Variants in CACTIN observed in about 807,000 individuals in gnomAD.
CACTIN encodes splicing factor Cactin.
CACTIN carries 20 observed loss-of-function variants against 84.9 expected under a neutral mutation model. The ratio of observed to expected loss-of-function variants is 0.24; its 90% CI spans 0.17 to 0.34. The LOEUF is 0.34. CACTIN is among the 10% of genes least tolerant of loss of function. CACTIN has a pLI of 1.00. For synonymous variants in CACTIN, 549 were observed against 467.9 expected (o/e 1.17, Z -2.24); for missense variants, 897 against 1,117.2 (o/e 0.80, Z 2.81).
At chr19:3,618,190 G>C (rs1214726156) in intron 6 of CACTIN, among the ~76,000 whole-genome samples, 1 of 133,164 alleles carries the variant, frequency 7.5e-6, no homozygotes, top group African/African-American at 2.8e-5. Context: ...GGGGGGGGGG[G>C]GTCTCATCTA....
At chr19:3,621,592 GACC>G (rs972092936) in intron 2 of CACTIN, among the ~76,000 whole-genome samples, 1 of 152,186 alleles carries the variant, frequency 6.6e-6, no homozygotes. Context: ...CGTCAACGAT[GACC>G]ACATCTTCCT....
At chr19:3,625,295 T>C (rs1568297702) in intron 1 of CACTIN, among the ~76,000 whole-genome samples, 1 of 152,234 alleles carries the variant, frequency 6.6e-6, no homozygotes, top group East Asian at 1.9e-4. Flanking sequence ...AAACCAATCA[T>C]TGCAGAGCCC....
At position 3,620,291 on chromosome 19, in the gene CACTIN, GAGGGCAGCGGGGACCGTGCGGTCTGC is replaced by G; in HGVS notation, c.739-45_739-20del. 1 of 1,550,358 alleles carries G rather than the reference GAGGGCAGCGGGGACCGTGCGGTCTGC, an allele frequency of 6.5e-7. No individual in the cohort carries two copies. The highest frequency in any genetic ancestry group is 8.7e-7 in the Non-Finnish European group (1 of 1,153,814). ...GCTTCACCTGCAGGCACAGGAGGCT[GAGGGCAGCGGGGACCGTGCGGTCTGC>G]AGGGCTGCGGGGGGAGGGGCTGTGA... On this transcript the variant is annotated intron_variant, in intron 3 of 9. Transcript: ENST00000429344.
intron 7 of CACTIN, 75 bp from the exon 8 acceptor site, chr19:3,613,661 C>T (rs1260245463): frequency 2.0e-5 from 30 of 1,524,368 alleles, no homozygotes; most frequent in Non-Finnish European, 2.5e-5. Flanking sequence ...GATTCTCACG[C>T]CCCTTATTGC....
intron 6 of CACTIN, 116 bp downstream of exon 6, chr19:3,618,759 G>A: frequency 1.2e-6 from 1 of 836,502 alleles, no homozygotes; most frequent in Non-Finnish European, 1.8e-6. Flanking sequence ...GGAGGCCCCA[G>A]TTGGGGAAAC....
chr19:3,612,633 T>G (rs1300763507), intron 9 of CACTIN, among the ~76,000 whole-genome samples: 2 of 152,196 alleles, frequency 1.3e-5, no homozygotes, highest in African/African-American at 2.4e-5. Flanking sequence ...ATCGTCCTCC[T>G]GGGTGGGGAC....
chr19:3,623,366 A>G (rs964904109), intron 2 of CACTIN, among the ~76,000 whole-genome samples: 1 of 151,966 alleles, frequency 6.6e-6, no homozygotes, highest in Non-Finnish European at 1.5e-5. Flanking sequence ...TGTCTCTACT[A>G]AAAATACAAA....
rs34337349 is a variant in CACTIN, at chr19:3,618,177, CGGG to C, written c.1162+695_1162+697del. Among the ~76,000 whole-genome samples the C allele has an allele frequency of 2.5e-4, 27 of 108,054 alleles. 1 individual carries two copies. The highest frequency in any genetic ancestry group is 3.0e-4 in the African/African-American group (7 of 23,514). 70.9% of individuals were successfully genotyped at this position (108,054 alleles called of 152,430 possible). A position where few individuals can be genotyped will look rare whatever the true frequency, so the allele number is the denominator to read the frequency against. On this transcript the variant is annotated intron_variant, in intron 6 of 9. Transcript: ENST00000429344. The stretch of plus-strand genomic sequence containing the variant: ...GGGCTGCTGTGGTTGGCTTTTAGAC[CGGG>C]GGGGGGGGGGGTCTCATCTAGGGCA...
At chr19:3,624,530 C>T (rs905481894) in intron 1 of CACTIN, among the ~76,000 whole-genome samples, 2 of 151,936 alleles carry the variant, frequency 1.3e-5, no homozygotes, top group South Asian at 2.1e-4. Flanking sequence ...GGAGAGTGCT[C>T]GAGGCAGAGC....
At chr19:3,620,633 G>C in intron 3 of CACTIN, 74 bp downstream of exon 3, 3 of 1,247,612 alleles carry the variant, frequency 2.4e-6, no homozygotes, top group Non-Finnish European at 3.3e-6. Flanking sequence ...AGCCCCTCAA[G>C]TCCTGCCAAA....
Position 3,613,372 on chromosome 19 carries a change from GGA to G in CACTIN, c.1479-9_1479-8del, listed in dbSNP as rs1021204475. Reference sequence around the variant, plus strand: ...CGCGTCCTCAGGCTCCAGGCTGGGAGGAGAGAGCGTTGGAGGCGCGGAGGCTG... The same window carrying G: ...CGCGTCCTCAGGCTCCAGGCTGGGAGGAGAGCGTTGGAGGCGCGGAGGCTG... On this transcript the variant is annotated splice_polypyrimidine_tract_variant and splice_region_variant and intron_variant, in intron 8 of 9. Transcript: ENST00000429344. The G allele has an allele frequency of 1.3e-6, 2 of 1,524,530 alleles. No homozygotes were observed. Among genetic ancestry groups the G allele is most frequent in the African/African-American group, 1.4e-5 (1 of 72,396 alleles). The allele number at this position is 1,524,530 out of a possible 1,614,324, so 94.4% of individuals were successfully genotyped here.
chr19:3,619,285 C>T (rs751789445), intron 4 of CACTIN, 43 bp from the exon 5 acceptor site: 10 of 1,594,118 alleles, frequency 6.3e-6, no homozygotes, highest in Non-Finnish European at 7.7e-6. Flanking sequence ...CTGGGCTGTG[C>T]CCTCCATGCT....
intron 6 of CACTIN, chr19:3,614,903 T>C (rs996098668): frequency 1.4e-5 from 6 of 437,940 alleles, no homozygotes; most frequent in Non-Finnish European, 2.6e-5. Context: ...GAGTCTGATA[T>C]GTGGGTCTGG....
intron 6 of CACTIN, among the ~76,000 whole-genome samples, chr19:3,617,123 A>AAATC (rs34786309): frequency 3.7e-3 from 1 of 272 alleles, no homozygotes; most frequent in African/African-American, 9.8e-3. Flanking sequence ...CCTTCTCAAA[A>AAATC]AATAAAATAG....
chr19:3,617,574 C>T (rs758452601), intron 6 of CACTIN, among the ~76,000 whole-genome samples: 2 of 151,934 alleles, frequency 1.3e-5, no homozygotes, highest in African/African-American at 2.4e-5. Context: ...GAAACGCCTC[C>T]CAGGCTTATA....
intron 6 of CACTIN, among the ~76,000 whole-genome samples, chr19:3,617,061 CAGTG>C (rs1302917796): frequency 6.6e-6 from 1 of 152,142 alleles, no homozygotes; most frequent in East Asian, 1.9e-4. Flanking sequence ...GCAGAGGTCA[CAGTG>C]AGCAGAGATC....
In CACTIN at chr19:3,613,249, T is replaced by G. The variant is rs1453815447; in HGVS notation, c.1595A>C (p.Glu532Ala). Reference protein sequence around the residue: ...PTEGDGDGDGEGEGEGEAVLM... With the variant: ...PTEGDGDGDGAGEGEGEAVLM... ...CACCGCCTCGCCCTCGCCCTCGCCC[T>G]CACCGTCCCCGTCGCCGTCGCCCTC... The change falls in exon 9 of 10, where the codon GAG (glutamate) becomes GCG (alanine). Residue 532 changes from glutamate (E) to alanine (A), a missense_variant. Glu to Ala is a moderately radical substitution (Grantham distance 107). Transcript: ENST00000429344. 1 of 1,610,180 alleles carries G rather than the reference T, an allele frequency of 6.2e-7. No homozygotes were observed. Among genetic ancestry groups the G allele is most frequent in the Non-Finnish European group, 8.5e-7 (1 of 1,179,000 alleles).
At chr19:3,624,727 G>A (rs1041099081) in intron 1 of CACTIN, among the ~76,000 whole-genome samples, 2 of 152,052 alleles carry the variant, frequency 1.3e-5, no homozygotes, top group Admixed American at 6.6e-5. Flanking sequence ...GTCAAGGGAG[G>A]GCTTCCTAGA....
At position 3,626,611 on chromosome 19, in the gene CACTIN, C is replaced by T. The variant is rs768264812; in HGVS notation, c.152G>A (p.Arg51Gln). ...EDEGRRRRRR[R>Q]SRERRSDSEE... ...GCGACCCCACCTGCGCTCCCGGCTC[C>T]GCCGCCTCCGTCTGCGCCGTCCCTC... The change falls in exon 1 of 10, where the codon CGG (arginine) becomes CAG (glutamine). Residue 51 changes from arginine (R) to glutamine (Q), a missense_variant. Arg to Gln is a conservative substitution (Grantham distance 43). Around this residue, in one of 8 missense-constraint regions of CACTIN, gnomAD observed 261 missense variants for 243.8 expected, o/e 1.07. Transcript: ENST00000429344. 1 of 1,507,960 alleles carries T rather than the reference C, an allele frequency of 6.6e-7. No homozygotes were observed. Among genetic ancestry groups the T allele is most frequent in the East Asian group, 2.7e-5 (1 of 36,436 alleles). 93.4% of individuals were successfully genotyped at this position (1,507,960 alleles called of 1,614,324 possible). A position where few individuals can be genotyped will look rare whatever the true frequency, so the allele number is the denominator to read the frequency against.
Sources: gnomAD v4.1 joint callset for allele counts (sites outside exome capture counted in the v4.1 genomes callset) on GRCh38, gnomAD v4.1.1 for gene constraint, gnomAD v4.1.1 regional missense constraint, MANE v1.5 for transcripts, NCBI Gene and HGNC (gene_info 2026-07-23, HGNC 2026-07-21) for gene names.